The following SH3BGRL variants were observed in gnomAD, a reference collection of about 807,000 sequenced individuals.
The protein encoded by SH3BGRL is adapter SH3BGRL.
A neutral mutation model predicts 9.8 loss-of-function variants in SH3BGRL; 7 were observed. The ratio of observed to expected loss-of-function variants is 0.72; its 90% confidence interval spans 0.41 to 1.35. The LOEUF is 1.35. Ranked by LOEUF, SH3BGRL falls within the 40% of genes most tolerant of loss-of-function variation. SH3BGRL has a pLI of 0.01. For synonymous variants in SH3BGRL, 36 were observed against 29.1 expected (o/e 1.24, Z -0.76); for missense variants, 73 against 84.4 (o/e 0.86, Z 0.53).
chrX:81,291,879 TTGAC>T (rs2075859070), intron 3 of SH3BGRL, among the ~76,000 whole-genome samples: 1 of 112,111 alleles, frequency 8.9e-6, no homozygotes, highest in South Asian at 3.7e-4. Flanking sequence ...ATAATCTTCT[TTGAC>T]TGCATGTCTC....
chrX:81,229,161 G>A (rs1360968546), intron 1 of SH3BGRL, among the ~76,000 whole-genome samples: 2 of 110,167 alleles, frequency 1.8e-5, no homozygotes, highest in Non-Finnish European at 3.8e-5. Context: ...GAGAAGTTCC[G>A]TATACTCCTT....
intron 1 of SH3BGRL, chrX:81,202,746 T>C (rs937473000): frequency 6.8e-6 from 1 of 147,121 alleles, no homozygotes; most frequent in African/African-American, 3.2e-5. Context: ...GTAATAGAGT[T>C]ATTTTGAGAG....
chrX:81,251,130 C>T (rs1038446558), intron 1 of SH3BGRL, among the ~76,000 whole-genome samples: 1 of 111,592 alleles, frequency 9.0e-6, no homozygotes, highest in Non-Finnish European at 1.9e-5. Context: ...CAATCTGAGA[C>T]GTTTTATGAA....
At chrX:81,269,147 C>T (rs138467633) in intron 1 of SH3BGRL, among the ~76,000 whole-genome samples, 172 of 111,128 alleles carry the variant, frequency 1.5e-3, no homozygotes, top group African/African-American at 5.2e-3. Flanking sequence ...TACAGCACAC[C>T]GATGGGTCTT....
chrX:81,274,010 GA>G (rs749415433), intron 1 of SH3BGRL, among the ~76,000 whole-genome samples: 43 of 111,880 alleles, frequency 3.8e-4, no homozygotes, highest in African/African-American at 1.4e-3. Context: ...TTTACTGTTT[GA>G]AAAATATTTA....
At chrX:81,284,467 C>T (rs896922494) in intron 3 of SH3BGRL, among the ~76,000 whole-genome samples, 8 of 109,092 alleles carry the variant, frequency 7.3e-5, no homozygotes, top group East Asian at 2.9e-4. Context: ...AAGACCTGAG[C>T]GGGATTAAAG....
chrX:81,257,932 A>G (rs999903952), intron 1 of SH3BGRL, among the ~76,000 whole-genome samples: 29 of 110,905 alleles, frequency 2.6e-4, no homozygotes, highest in African/African-American at 9.2e-4. Flanking sequence ...ATATAACACT[A>G]TTAGAAAAGT....
chrX:81,214,614 A>G (rs1414283056), intron 1 of SH3BGRL, among the ~76,000 whole-genome samples: 1 of 111,895 alleles, frequency 8.9e-6, no homozygotes, highest in Non-Finnish European at 1.9e-5. Flanking sequence ...GAGACAGAAC[A>G]TGAATATTTG....
intron 3 of SH3BGRL, among the ~76,000 whole-genome samples, chrX:81,293,740 G>T (rs2075865565): frequency 8.9e-6 from 1 of 111,999 alleles, no homozygotes; most frequent in African/African-American, 3.3e-5. Flanking sequence ...GGAACAGTTT[G>T]GAGGGCTCAG....
At chrX:81,207,629 T>A (rs1030747945) in intron 1 of SH3BGRL, among the ~76,000 whole-genome samples, 4 of 112,310 alleles carry the variant, frequency 3.6e-5, no homozygotes, top group African/African-American at 1.3e-4. Context: ...CAAAGTTTGT[T>A]TGAATGTTGT....
chrX:81,270,639 T>C (rs2075775154), intron 1 of SH3BGRL, among the ~76,000 whole-genome samples: 1 of 111,850 alleles, frequency 8.9e-6, no homozygotes, highest in Admixed American at 9.4e-5. Flanking sequence ...AGGTGTCTGT[T>C]GGCCCCTACT....
intron 1 of SH3BGRL, chrX:81,202,664 A>G: frequency 3.8e-6 from 2 of 527,440 alleles, no homozygotes; most frequent in Non-Finnish European, 4.6e-6. Context: ...GGGGGTACAC[A>G]TGCTGTAACT....
intron 1 of SH3BGRL, among the ~76,000 whole-genome samples, chrX:81,212,811 T>G (rs2075569518): frequency 8.9e-6 from 1 of 111,982 alleles, no homozygotes; most frequent in African/African-American, 3.2e-5. Flanking sequence ...ATGTGTGCAC[T>G]TTCCAAAGTC....
intron 1 of SH3BGRL, among the ~76,000 whole-genome samples, chrX:81,234,992 G>T (rs1028332664): frequency 1.8e-5 from 2 of 111,473 alleles, no homozygotes; most frequent in East Asian, 5.6e-4. Context: ...TCATGTAATG[G>T]AACAAGCTAT....
intron 1 of SH3BGRL, among the ~76,000 whole-genome samples, chrX:81,259,155 G>T (rs1294151517): frequency 4.5e-5 from 5 of 111,930 alleles, no homozygotes; most frequent in African/African-American, 1.6e-4. Context: ...GCATATGCCT[G>T]CCCTGTGACC....
intron 1 of SH3BGRL, among the ~76,000 whole-genome samples, chrX:81,213,433 T>C (rs1420395863): frequency 1.8e-5 from 2 of 112,453 alleles, no homozygotes; most frequent in Non-Finnish European, 3.7e-5. Context: ...GGTAAAAGCA[T>C]ATGATAAAAA....
intron 1 of SH3BGRL, among the ~76,000 whole-genome samples, chrX:81,220,871 C>T (rs1422034731): frequency 1.8e-5 from 2 of 110,200 alleles, no homozygotes; most frequent in Non-Finnish European, 3.8e-5. Context: ...CTTCGTTGAC[C>T]CACTGTTCAC....
chrX:81,282,056 T>A lies in SH3BGRL; in HGVS notation c.312+3645T>A, dbSNP rs746980261. Among the ~76,000 whole-genome samples the A allele has an allele frequency of 3.6e-5, 4 of 112,003 alleles. No individual in the cohort carries two copies. In the South Asian group the frequency reaches 1.5e-3, roughly 42 times the overall value. On this transcript the variant is annotated intron_variant, in intron 3 of 3. Transcript: ENST00000373212. ...TTCTTATAACAGACAAAACAAACTT[T>A]AAAGCAACAGTGGTAAAAGAGACAA...
intron 1 of SH3BGRL, among the ~76,000 whole-genome samples, chrX:81,214,942 C>G (rs768042667): frequency 9.0e-6 from 1 of 111,429 alleles, no homozygotes; most frequent in Non-Finnish European, 1.9e-5. Context: ...ATACTTTACA[C>G]TTATTTTCCC....
Sources: gnomAD v4.1 joint callset for allele counts (sites outside exome capture counted in the v4.1 genomes callset) on GRCh38, gnomAD v4.1.1 for gene constraint, MANE v1.5 for transcripts, NCBI Gene and HGNC (gene_info 2026-07-23, HGNC 2026-07-21) for gene names.